Variants in ERBB4 observed in about 807,000 individuals in gnomAD.
ERBB4 encodes the protein receptor tyrosine-protein kinase erbB-4.
A neutral mutation model predicts 158.0 loss-of-function variants in ERBB4; 42 were observed. That is an observed-to-expected ratio of 0.27 (90% CI 0.21 to 0.34). The LOEUF (loss-of-function observed/expected upper bound fraction) is 0.34, where lower values mean the gene tolerates loss of function less well. ERBB4 is among the 10% of genes least tolerant of loss of function. ERBB4 has a pLI of 1.00. For missense variants in ERBB4, 1,333 were observed against 1,624.1 expected (o/e 0.82, Z 3.08); for synonymous variants, 583 against 558.7 (o/e 1.04, Z -0.61).
chr2:212,287,696 G>A (rs1034674355), intron 1 of ERBB4, among the ~76,000 whole-genome samples: 3 of 152,090 alleles, frequency 2.0e-5, no homozygotes, highest in African/African-American at 7.2e-5. Flanking sequence ...AACCTTTTCT[G>A]TCACAATTCC....
chr2:212,411,694 T>C (rs1239962913), intron 1 of ERBB4, among the ~76,000 whole-genome samples: 1 of 152,126 alleles, frequency 6.6e-6, no homozygotes, highest in Admixed American at 6.6e-5. Context: ...CCTAGGTAGT[T>C]TTGTGATCTC....
At chr2:212,359,267 TATATATATAC>T (rs1280735387) in intron 1 of ERBB4, among the ~76,000 whole-genome samples, 1 of 151,538 alleles carries the variant, frequency 6.6e-6, no homozygotes, top group African/African-American at 2.4e-5. Context: ...TAAAAACTTG[TATATATATAC>T]ATATATATAT....
intron 1 of ERBB4, among the ~76,000 whole-genome samples, chr2:212,296,383 T>A (rs2106194650): frequency 6.6e-6 from 1 of 152,040 alleles, no homozygotes; most frequent in East Asian, 1.9e-4. Flanking sequence ...TGAGAGAATT[T>A]CATCTGCTTC....
intron 2 of ERBB4, among the ~76,000 whole-genome samples, chr2:212,104,797 G>A (rs147228221): frequency 6.6e-6 from 1 of 152,230 alleles, no homozygotes; most frequent in African/African-American, 2.4e-5. Context: ...CGCTTTGCTA[G>A]AAATATTTTT....
At chr2:211,561,840 TG>T (rs1383504888) in intron 20 of ERBB4, 62 bp downstream of exon 20, 3 of 1,361,496 alleles carry the variant, frequency 2.2e-6, no homozygotes, top group Non-Finnish European at 2.1e-6. Flanking sequence ...ATATGAAAAC[TG>T]TTCCAGGTTA....
intron 1 of ERBB4, among the ~76,000 whole-genome samples, chr2:212,474,839 T>TTTTTTTTTTTTTTTTTTTTTTTTTTTTG (rs1245995165): frequency 1.5e-5 from 2 of 136,162 alleles, no homozygotes; most frequent in Admixed American, 7.0e-5. Flanking sequence ...TTTTTTTTTT[T>TTTTTTTTTTTTTTTTTTTTTTTTTTTTG]TGTCAAGACA....
At chr2:212,403,017 T>C (rs2091252575) in intron 1 of ERBB4, among the ~76,000 whole-genome samples, 1 of 152,098 alleles carries the variant, frequency 6.6e-6, no homozygotes. Context: ...TAATTATATC[T>C]ACTAATTAGT....
intron 1 of ERBB4, among the ~76,000 whole-genome samples, chr2:212,448,758 A>G (rs925408765): frequency 6.6e-6 from 1 of 152,086 alleles, no homozygotes. Context: ...AAAAAAACTT[A>G]CATGATACTA....
At chr2:212,049,708 T>C (rs2077350021) in intron 2 of ERBB4, among the ~76,000 whole-genome samples, 1 of 152,218 alleles carries the variant, frequency 6.6e-6, no homozygotes, top group Non-Finnish European at 1.5e-5. Context: ...TGATTGCCTG[T>C]TCTCTACATT....
chr2:211,832,358 T>C (rs138074474), intron 3 of ERBB4, among the ~76,000 whole-genome samples: 58 of 152,206 alleles, frequency 3.8e-4, no homozygotes, highest in African/African-American at 1.4e-3. Flanking sequence ...CATAGCACTC[T>C]TCACAAAAAT....
chr2:212,269,134 A>G (rs1377742577), intron 1 of ERBB4, among the ~76,000 whole-genome samples: 2 of 151,882 alleles, frequency 1.3e-5, no homozygotes, highest in Non-Finnish European at 2.9e-5. Flanking sequence ...CCCAGAAAAC[A>G]ATGGAGACCT....
intron 7 of ERBB4, among the ~76,000 whole-genome samples, chr2:211,716,418 T>C (rs934351753): frequency 5.0e-5 from 7 of 140,342 alleles, no homozygotes; most frequent in Non-Finnish European, 3.0e-5. Flanking sequence ...GGCTCACGCC[T>C]GTAATCCCAG....
At chr2:212,091,401 T>C (rs2078771855) in intron 2 of ERBB4, among the ~76,000 whole-genome samples, 1 of 152,208 alleles carries the variant, frequency 6.6e-6, no homozygotes, top group African/African-American at 2.4e-5. Context: ...GGATATGACT[T>C]ACATCCCTAC....
chr2:212,203,157 T>C lies in ERBB4; in HGVS notation c.83-78254A>G, dbSNP rs114502867. 4.8e-3 allele frequency among the ~76,000 whole-genome samples: 731 copies of C among 152,086 alleles called. 7 individuals are homozygous for C. The highest frequency in any genetic ancestry group is 0.017 in the Middle Eastern group (5 of 292). ...ACATTGTACATATATGTTACAGTAA[T>C]ATATAATAAGGAGAACAAATGGGAG... On this transcript the variant is annotated intron_variant, in intron 1 of 27. Coordinates refer to ENST00000342788, the MANE Select transcript of ERBB4 (RefSeq NM_005235.3).
intron 1 of ERBB4, among the ~76,000 whole-genome samples, chr2:212,253,441 A>C (rs1021267338): frequency 2.6e-5 from 4 of 152,118 alleles, no homozygotes; most frequent in African/African-American, 9.6e-5. Context: ...CATTAAAAAA[A>C]CCTATAATAA....
At chr2:212,474,438 T>G (rs1689272307) in intron 1 of ERBB4, among the ~76,000 whole-genome samples, 1 of 152,136 alleles carries the variant, frequency 6.6e-6, no homozygotes, top group Non-Finnish European at 1.5e-5. Flanking sequence ...ATGTTAGTAT[T>G]ACTGAAATGG....
intron 1 of ERBB4, among the ~76,000 whole-genome samples, chr2:212,447,477 T>C (rs2092378879): frequency 6.9e-6 from 1 of 145,806 alleles, no homozygotes; most frequent in South Asian, 2.1e-4. Flanking sequence ...CCCTCTCTTT[T>C]ATTATGAGCT....
chr2:211,945,957 C>A (rs558934359), intron 3 of ERBB4, among the ~76,000 whole-genome samples: 5 of 152,078 alleles, frequency 3.3e-5, no homozygotes, highest in South Asian at 4.1e-4. Flanking sequence ...CAGGTTTTAA[C>A]TGGATCATAT....
chr2:212,393,420 G>A (rs2090936051), intron 1 of ERBB4, among the ~76,000 whole-genome samples: 1 of 151,786 alleles, frequency 6.6e-6, no homozygotes, highest in Admixed American at 6.6e-5. Flanking sequence ...TAGGTGAGAG[G>A]ATTAATTTAC....
Sources: allele counts gnomAD v4.1 joint callset (sites outside exome capture counted in the v4.1 genomes callset), GRCh38; gene constraint gnomAD v4.1.1; transcripts MANE v1.5; gene names NCBI Gene and HGNC (gene_info 2026-07-23, HGNC 2026-07-21).